CAMKMT: variants seen among roughly 807,000 people sequenced by gnomAD.
The protein encoded by CAMKMT is CaM KMT.
In CAMKMT, 53 loss-of-function variants were observed where a neutral mutation model predicts 48.0. That is an observed-to-expected ratio of 1.10 (90% CI 0.89 to 1.39). The LOEUF is 1.39. Ranked by LOEUF, CAMKMT falls within the 40% of genes most tolerant of loss-of-function variation. The pLI is 0.00. For missense variants in CAMKMT, 428 were observed against 402.7 expected, an observed-to-expected ratio of 1.06 and a Z score of -0.54; for synonymous variants, 165 against 152.3, an observed-to-expected ratio of 1.08 and a Z score of -0.61.
At chr2:44,668,505 G>A (rs925506712) in intron 3 of CAMKMT, among the ~76,000 whole-genome samples, 1 of 152,140 alleles carries the variant, frequency 6.6e-6, no homozygotes, top group Admixed American at 6.5e-5. Flanking sequence ...GACCCCTCTT[G>A]ACTCCACAGT....
intron 3 of CAMKMT, among the ~76,000 whole-genome samples, chr2:44,523,856 C>T (rs928160579): frequency 6.7e-6 from 1 of 148,234 alleles, no homozygotes; most frequent in Non-Finnish European, 1.5e-5. Context: ...CGGCTCACTG[C>T]AACCTTTGCC....
At position 44,362,140 on chromosome 2, in the gene CAMKMT, C is replaced by T; in HGVS notation, c.133C>T (p.Arg45Trp). 1 of 1,475,570 alleles carries T rather than the reference C, an allele frequency of 6.8e-7. No homozygotes were observed. The highest frequency in any genetic ancestry group is 8.9e-7 in the Non-Finnish European group (1 of 1,124,948). The allele number at this position is 1,475,570 out of a possible 1,614,324, so 91.4% of individuals were successfully genotyped here. ...PLGAARWKLLRQVLKQKHLDD... is the reference protein window; with the variant it reads ...PLGAARWKLLWQVLKQKHLDD... The stretch of plus-strand genomic sequence containing the variant: ...GGGAGCCGCCCGGTGGAAGCTCCTG[C>T]GGCAGGTAAGGGAGAACCTGCTCGC... Residue 45 changes from arginine to tryptophan, a missense_variant, in exon 1 of 11, where the codon CGG (arginine) becomes TGG (tryptophan). Physicochemically the swap from Arg to Trp is moderately radical, Grantham distance 101. Transcript: ENST00000378494.
intron 3 of CAMKMT, among the ~76,000 whole-genome samples, chr2:44,681,994 C>A (rs1676043303): frequency 6.6e-6 from 1 of 152,220 alleles, no homozygotes; most frequent in Non-Finnish European, 1.5e-5. Context: ...AATCCTCGGT[C>A]TCGATAAGTC....
intron 3 of CAMKMT, among the ~76,000 whole-genome samples, chr2:44,433,002 A>C (rs946440952): frequency 1.3e-5 from 2 of 152,218 alleles, no homozygotes; most frequent in Admixed American, 1.3e-4. Flanking sequence ...ATGACATAGT[A>C]ATCATTAAAC....
intron 3 of CAMKMT, among the ~76,000 whole-genome samples, chr2:44,518,160 CT>C (rs890706502): frequency 1.8e-4 from 27 of 148,536 alleles, no homozygotes; most frequent in East Asian, 3.9e-4. Flanking sequence ...AACAAAAACA[CT>C]TTTTTTTTTC....
intron 1 of CAMKMT, among the ~76,000 whole-genome samples, chr2:44,366,431 T>A (rs1678602700): frequency 6.6e-6 from 1 of 152,210 alleles, no homozygotes; most frequent in African/African-American, 2.4e-5. Flanking sequence ...TTGACTTTGT[T>A]TTATATGCTT....
chr2:44,524,351 CT>C (rs896722317), intron 3 of CAMKMT, among the ~76,000 whole-genome samples: 3 of 152,084 alleles, frequency 2.0e-5, no homozygotes, highest in African/African-American at 4.8e-5. Flanking sequence ...CCAGGAGTTG[CT>C]TTTTTCCAGG....
At chr2:44,592,713 TCAGG>T (rs930824518) in intron 3 of CAMKMT, among the ~76,000 whole-genome samples, 2 of 152,244 alleles carry the variant, frequency 1.3e-5, no homozygotes, top group Non-Finnish European at 2.9e-5. Flanking sequence ...ATCTGCGATT[TCAGG>T]CATCCACTAG....
intron 3 of CAMKMT, among the ~76,000 whole-genome samples, chr2:44,534,014 T>G (rs77403101): frequency 0.03 from 4,538 of 152,252 alleles, 220 homozygotes; most frequent in African/African-American, 0.1. Context: ...ATGTATAGAC[T>G]GTAAGTAAAG....
chr2:44,549,721 A>C lies in CAMKMT; in HGVS notation c.377-154562A>C, dbSNP rs1572773257. On this transcript the variant is annotated intron_variant, in intron 3 of 10. Coordinates refer to ENST00000378494, the MANE Select transcript of CAMKMT (RefSeq NM_024766.5). ...AAGGATTAAGGATCCCCAAAGTCTC[A>C]GACTTCAGTAAGTAAGCCTATGTCC... 9.6e-6 allele frequency: 5 copies of C among 519,794 alleles called. No individual in the cohort carries two copies. In the East Asian group the frequency reaches 1.6e-4, roughly 16 times the overall value. 32.2% of individuals were successfully genotyped at this position (519,794 alleles called of 1,614,324 possible). A position where few individuals can be genotyped will look rare whatever the true frequency, so the allele number is the denominator to read the frequency against.
chr2:44,542,258 A>G (rs1329433839), intron 3 of CAMKMT, among the ~76,000 whole-genome samples: 1 of 152,174 alleles, frequency 6.6e-6, no homozygotes, highest in Non-Finnish European at 1.5e-5. Context: ...AATTTCTTTC[A>G]AGTCATTTGG....
In CAMKMT at chr2:44,589,565, C is replaced by T. The variant is rs548829917; in HGVS notation, c.377-114718C>T. 5.4e-5 allele frequency among the ~76,000 whole-genome samples: 4 copies of T among 74,396 alleles called. 1 individual carries two copies. Among genetic ancestry groups the T allele is most frequent in the African/African-American group, 2.1e-4 (4 of 19,286 alleles). 48.8% of individuals were successfully genotyped at this position (74,396 alleles called of 152,430 possible). ...AGAAAAATTCTTCTGCCTTGGGATC[C>T]TGTTGATCTGTGACCTTATCCCCAA... On this transcript the variant is annotated intron_variant, in intron 3 of 10. Transcript: ENST00000378494.
At chr2:44,392,830 G>A (rs575490030) in intron 3 of CAMKMT, among the ~76,000 whole-genome samples, 2 of 151,996 alleles carry the variant, frequency 1.3e-5, no homozygotes, top group East Asian at 3.9e-4. Flanking sequence ...CCATACAAGA[G>A]TATCAGTTCA....
intron 3 of CAMKMT, among the ~76,000 whole-genome samples, chr2:44,601,158 C>T (rs1477191620): frequency 6.6e-6 from 1 of 151,988 alleles, no homozygotes; most frequent in Non-Finnish European, 1.5e-5. Context: ...TAAAGGTATG[C>T]CATTACTCTT....
At chr2:44,610,319 T>G (rs2103892922) in intron 3 of CAMKMT, among the ~76,000 whole-genome samples, 1 of 152,274 alleles carries the variant, frequency 6.6e-6, no homozygotes, top group South Asian at 2.1e-4. Context: ...TACTATTAGA[T>G]TAAGCATTAG....
intron 3 of CAMKMT, among the ~76,000 whole-genome samples, chr2:44,581,574 G>T (rs890305784): frequency 1.1e-4 from 16 of 152,210 alleles, no homozygotes; most frequent in Non-Finnish European, 2.2e-4. Flanking sequence ...GGTAATTTTT[G>T]AGACTATTTG....
chr2:44,694,443 G>A (rs1558800804), intron 3 of CAMKMT, among the ~76,000 whole-genome samples: 1 of 152,112 alleles, frequency 6.6e-6, no homozygotes, highest in Non-Finnish European at 1.5e-5. Flanking sequence ...GTGTGGTGGT[G>A]CACACCTGTA....
chr2:44,620,472 C>T (rs1474754379), intron 3 of CAMKMT, among the ~76,000 whole-genome samples: 1 of 152,194 alleles, frequency 6.6e-6, no homozygotes, highest in East Asian at 1.9e-4. Context: ...AAATGCATAA[C>T]TGTTGATGGC....
chr2:44,424,771 G>A (rs1684170273), intron 3 of CAMKMT, among the ~76,000 whole-genome samples: 1 of 152,180 alleles, frequency 6.6e-6, no homozygotes, highest in Non-Finnish European at 1.5e-5. Flanking sequence ...GGGAAAGGGT[G>A]AGACGGGAGT....
Sources: allele counts gnomAD v4.1 joint callset (sites outside exome capture counted in the v4.1 genomes callset), GRCh38; gene constraint gnomAD v4.1.1; transcripts MANE v1.5; gene names NCBI Gene and HGNC (gene_info 2026-07-23, HGNC 2026-07-21).